GLRA2: variants seen among roughly 807,000 people sequenced by gnomAD.
GLRA2 encodes glycine receptor subunit alpha-2.
Under a neutral mutation model 31.6 loss-of-function variants are expected in GLRA2, and 11 were observed. That is an observed-to-expected ratio of 0.35 (90% CI 0.22 to 0.58). The LOEUF (loss-of-function observed/expected upper bound fraction) is 0.58, where lower values mean the gene tolerates loss of function less well. Ranked by LOEUF, GLRA2 falls within the 20% of genes least tolerant of loss-of-function variation. The pLI is 0.84. For synonymous variants in GLRA2, 132 were observed against 134.0 expected (o/e 0.99, Z 0.10); for missense variants, 212 against 351.8 (o/e 0.60, Z 3.18).
chrX:14,691,635 G>A (rs1166493249), intron 8 of GLRA2, among the ~76,000 whole-genome samples: 1 of 111,328 alleles, frequency 9.0e-6, no homozygotes, highest in Admixed American at 9.6e-5. Flanking sequence ...AAACCTCAAT[G>A]TTAGGAGGGG....
intron 2 of GLRA2, among the ~76,000 whole-genome samples, chrX:14,555,848 T>C (rs2030605415): frequency 8.9e-6 from 1 of 112,104 alleles, no homozygotes; most frequent in African/African-American, 3.2e-5. Flanking sequence ...CTTATATTCT[T>C]ATTAATAGCA....
At chrX:14,589,720 ATGTG>A (rs1277743338) in intron 4 of GLRA2, among the ~76,000 whole-genome samples, 71 of 107,240 alleles carry the variant, frequency 6.6e-4, no homozygotes, top group Non-Finnish European at 8.4e-4. Flanking sequence ...ACACACATAT[ATGTG>A]TGTGTATATA....
At chrX:14,501,305 G>T in the GLRA2 span, among the ~76,000 whole-genome samples, 4 of 111,824 alleles carry the variant, frequency 3.6e-5, no homozygotes, top group Non-Finnish European at 7.5e-5. Context: ...ACATATTGTG[G>T]CCAGTTGGGT....
At chrX:14,533,415 A>G (rs1465001520) in intron 2 of GLRA2, among the ~76,000 whole-genome samples, 1 of 109,949 alleles carries the variant, frequency 9.1e-6, no homozygotes, top group Non-Finnish European at 1.9e-5. Context: ...GAATATACCC[A>G]GGTATGGGCA....
chrX:14,552,552 A>G (rs2089580723), intron 2 of GLRA2, among the ~76,000 whole-genome samples: 1 of 112,608 alleles, frequency 8.9e-6, no homozygotes, highest in Non-Finnish European at 1.9e-5. Flanking sequence ...TGAGGCCCAC[A>G]TACTCAGCAA....
chrX:14,464,513 G>A, the GLRA2 span, among the ~76,000 whole-genome samples: 1 of 111,194 alleles, frequency 9.0e-6, no homozygotes, highest in Non-Finnish European at 1.9e-5. Flanking sequence ...GAATTTCAGG[G>A]TTCTCTATTC....
chrX:14,527,345 G>A (rs916916254), upstream of GLRA2, among the ~76,000 whole-genome samples: 1 of 111,878 alleles, frequency 8.9e-6, no homozygotes, highest in Admixed American at 9.5e-5. Context: ...GGCTGGGCGC[G>A]GTGGCTCACG....
chrX:14,621,192 T>G (rs1365838093), intron 7 of GLRA2, among the ~76,000 whole-genome samples: 1 of 111,357 alleles, frequency 9.0e-6, no homozygotes, highest in Non-Finnish European at 1.9e-5. Flanking sequence ...GAGTTTGTCT[T>G]AATAAGGAAG....
intron 7 of GLRA2, among the ~76,000 whole-genome samples, chrX:14,686,006 G>A (rs2091272910): frequency 8.9e-6 from 1 of 111,761 alleles, no homozygotes; most frequent in Admixed American, 9.5e-5. Flanking sequence ...ATTCTGGTAT[G>A]TTGTGTCTTT....
At chrX:14,545,816 T>C (rs1401303207) in intron 2 of GLRA2, among the ~76,000 whole-genome samples, 1 of 111,285 alleles carries the variant, frequency 9.0e-6, no homozygotes, top group Non-Finnish European at 1.9e-5. Flanking sequence ...TAGTTATAGA[T>C]GTCAAGGAAT....
the GLRA2 span, among the ~76,000 whole-genome samples, chrX:14,464,834 C>T: frequency 2.2e-4 from 25 of 112,034 alleles, no homozygotes; most frequent in African/African-American, 7.4e-4. Context: ...AGATTACAGG[C>T]GTGAGCCACC....
chrX:14,626,044 A>G (rs1328008120), intron 7 of GLRA2, among the ~76,000 whole-genome samples: 1 of 112,198 alleles, frequency 8.9e-6, no homozygotes, highest in Non-Finnish European at 1.9e-5. Flanking sequence ...TTTCATAGTG[A>G]ACAATTATTG....
chrX:14,587,291 T>G (rs2090091000), intron 4 of GLRA2, among the ~76,000 whole-genome samples: 1 of 112,259 alleles, frequency 8.9e-6, no homozygotes, highest in Admixed American at 9.4e-5. Flanking sequence ...CAATTTATTT[T>G]CTTTGGGGTA....
the GLRA2 span, among the ~76,000 whole-genome samples, chrX:14,519,789 G>T: frequency 9.0e-6 from 1 of 111,496 alleles, no homozygotes; most frequent in African/African-American, 3.3e-5. Flanking sequence ...ATATAGATAG[G>T]TCTTAAGTCC....
chrX:14,502,258 T>C, the GLRA2 span, among the ~76,000 whole-genome samples: 1 of 111,837 alleles, frequency 8.9e-6, no homozygotes, highest in East Asian at 2.8e-4. Flanking sequence ...AAATGAAGTA[T>C]TTGCCTCACA....
intron 7 of GLRA2, among the ~76,000 whole-genome samples, chrX:14,664,810 G>A (rs763692923): frequency 1.3e-4 from 15 of 111,952 alleles, no homozygotes; most frequent in Non-Finnish European, 2.6e-4. Flanking sequence ...TAAAGAGAAG[G>A]CTGGAGGGGA....
the GLRA2 span, among the ~76,000 whole-genome samples, chrX:14,493,080 C>T: frequency 1.8e-5 from 2 of 111,391 alleles, no homozygotes; most frequent in East Asian, 5.6e-4. Context: ...CATCTAAATA[C>T]TAACATGCTG....
the GLRA2 span, among the ~76,000 whole-genome samples, chrX:14,514,359 T>C: frequency 9.1e-6 from 1 of 109,514 alleles, no homozygotes; most frequent in Non-Finnish European, 1.9e-5. Context: ...AAAGAACCGA[T>C]GTAACCAAAC....
the GLRA2 span, among the ~76,000 whole-genome samples, chrX:14,466,471 G>C: frequency 9.0e-6 from 1 of 111,465 alleles, no homozygotes; most frequent in African/African-American, 3.3e-5. Context: ...ACTACATAGG[G>C]TATTTAGCTT....
Sources: gnomAD v4.1 joint callset for allele counts (sites outside exome capture counted in the v4.1 genomes callset) on GRCh38, gnomAD v4.1.1 for gene constraint, MANE v1.5 for transcripts, NCBI Gene and HGNC (gene_info 2026-07-23, HGNC 2026-07-21) for gene names.